Variants in SND1 observed in about 807,000 individuals in gnomAD.
The protein encoded by SND1 is staphylococcal nuclease and tudor domain containing 1.
A neutral mutation model predicts 121.7 loss-of-function variants in SND1; 38 were observed. That is an observed-to-expected ratio of 0.31 (90% CI 0.24 to 0.41). The LOEUF (loss-of-function observed/expected upper bound fraction) is 0.41, where lower values mean the gene tolerates loss of function less well. Among genes scored for constraint, SND1 ranks in the 10% least tolerant of loss-of-function variants. The pLI, the probability that SND1 is intolerant of heterozygous loss-of-function variation, is 1.00. For synonymous variants in SND1, 401 were observed against 447.4 expected (o/e 0.90, Z 1.31); for missense variants, 868 against 1,184.6 (o/e 0.73, Z 3.92).
chr7:128,083,765 T>G (rs1793644453), intron 18 of SND1, among the ~76,000 whole-genome samples: 1 of 152,118 alleles, frequency 6.6e-6, no homozygotes, highest in South Asian at 2.1e-4. Context: ...AGACCACAGA[T>G]CCACAGTCAC....
chr7:128,075,218 G>A (rs1037752900), intron 17 of SND1, among the ~76,000 whole-genome samples: 9 of 152,232 alleles, frequency 5.9e-5, no homozygotes, highest in Non-Finnish European at 5.9e-5. Flanking sequence ...GTGGAAAGTG[G>A]CTTTTGGAAA....
intron 16 of SND1, among the ~76,000 whole-genome samples, chr7:128,069,443 C>T (rs1793370927): frequency 6.6e-6 from 1 of 152,112 alleles, no homozygotes; most frequent in Admixed American, 6.5e-5. Context: ...GTGAATTACC[C>T]AAAAATTCAC....
At chr7:128,005,710 A>G (rs1216474863) in intron 16 of SND1, among the ~76,000 whole-genome samples, 1 of 152,202 alleles carries the variant, frequency 6.6e-6, no homozygotes, top group African/African-American at 2.4e-5. Flanking sequence ...CCTGTAATCA[A>G]AGCTGGGTGA....
chr7:127,704,912 C>T lies in SND1; in HGVS notation c.914C>T (p.Thr305Ile). Residue 305 changes from threonine (T) to isoleucine (I), a missense_variant, in exon 8 of 24, where the codon ACC (threonine) becomes ATC (isoleucine). This residue lies in a region of SND1 where 743 missense variants were observed against 1,071.3 expected (regional missense o/e 0.69). Coordinates refer to ENST00000354725, the MANE Select transcript of SND1 (RefSeq NM_014390.4). Reference sequence around the variant, plus strand: ...GTGGACTGGTCGATTGCAGTTTACACCCGGGGCGCAGAAAAGCTGAGGGCG... The same window carrying T: ...GTGGACTGGTCGATTGCAGTTTACATCCGGGGCGCAGAAAAGCTGAGGGCG... ...RCVDWSIAVY[T>I]RGAEKLRAAE... The T allele has an allele frequency of 1.2e-6, 2 of 1,614,062 alleles. No individual in the cohort carries two copies. Among genetic ancestry groups the T allele is most frequent in the South Asian group, 1.1e-5 (1 of 91,084 alleles).
chr7:127,867,168 G>C (rs556548839), intron 12 of SND1, among the ~76,000 whole-genome samples: 5 of 152,054 alleles, frequency 3.3e-5, no homozygotes, highest in Admixed American at 1.3e-4. Flanking sequence ...TTCCCTTCTA[G>C]CTTTGAACCT....
intron 14 of SND1, among the ~76,000 whole-genome samples, chr7:127,924,111 A>G (rs1413130720): frequency 3.1e-4 from 47 of 151,936 alleles, no homozygotes; most frequent in Non-Finnish European, 7.4e-5. Flanking sequence ...CCCTGGTGGG[A>G]CCAAGCAGTA....
At position 127,704,916 on chromosome 7, in the gene SND1, G is replaced by C; in HGVS notation, c.918G>C (p.Arg306=). The stretch of plus-strand genomic sequence containing the variant: ...ACTGGTCGATTGCAGTTTACACCCG[G>C]GGCGCAGAAAAGCTGAGGGCGGCAG... ...CVDWSIAVYT[R]GAEKLRAAER... The change falls in exon 8 of 24, where the codon CGG becomes CGC. Residue 306 remains arginine, a synonymous_variant. Coordinates refer to ENST00000354725, the MANE Select transcript of SND1 (RefSeq NM_014390.4). The C allele has an allele frequency of 6.2e-7, 1 of 1,614,064 alleles. No individual in the cohort carries two copies. The highest frequency in any genetic ancestry group is 8.5e-7 in the Non-Finnish European group (1 of 1,179,968).
Position 127,652,406 on chromosome 7 carries a change from C to T in SND1, c.33C>T (p.Ser11=). The T allele has an allele frequency of 6.3e-7, 1 of 1,596,822 alleles. No homozygotes were observed. The highest frequency in any genetic ancestry group is 8.5e-7 in the Non-Finnish European group (1 of 1,172,448). ...CCTCCGCGCAGAGCGGCGGCTCCTC[C>T]GGGGGACCCGCGGTCCCCACCGTGC... is the stretch of plus-strand genomic sequence containing the variant. MASSAQSGGS[S]GGPAVPTVQR... is the part of the protein sequence containing the mutation. Residue 11 remains serine (S), a synonymous_variant, in exon 1 of 24, where the codon TCC becomes TCT. Transcript: ENST00000354725.
intron 14 of SND1, among the ~76,000 whole-genome samples, chr7:127,920,873 AAG>A (rs1800690011): frequency 6.6e-6 from 1 of 151,948 alleles, no homozygotes; most frequent in African/African-American, 2.4e-5. Flanking sequence ...AAAAAAAAAA[AAG>A]CATTCTCTAG....
chr7:127,811,574 A>G (rs1798335501), intron 11 of SND1, among the ~76,000 whole-genome samples: 1 of 152,048 alleles, frequency 6.6e-6, no homozygotes, highest in African/African-American at 2.4e-5. Context: ...TACCTTGCTT[A>G]TATCTCGTCT....
chr7:127,695,668 A>G (rs561792369), intron 3 of SND1, among the ~76,000 whole-genome samples: 27 of 152,198 alleles, frequency 1.8e-4, no homozygotes, highest in Non-Finnish European at 2.9e-4. Flanking sequence ...CCCCGTTTCT[A>G]TGGAAAAATT....
intron 16 of SND1, among the ~76,000 whole-genome samples, chr7:128,047,768 A>C (rs544003943): frequency 2.0e-4 from 30 of 152,212 alleles, no homozygotes; most frequent in Non-Finnish European, 3.7e-4. Context: ...GGCAGGTTTA[A>C]GATAGACTCC....
At chr7:128,033,055 G>T (rs1431978380) in intron 16 of SND1, among the ~76,000 whole-genome samples, 1 of 152,178 alleles carries the variant, frequency 6.6e-6, no homozygotes, top group Non-Finnish European at 1.5e-5. Context: ...GCTCCCCGCT[G>T]CCCCCAGAGA....
chr7:128,072,567 G>C (rs1793431041), intron 16 of SND1, among the ~76,000 whole-genome samples: 1 of 152,182 alleles, frequency 6.6e-6, no homozygotes, highest in Non-Finnish European at 1.5e-5. Context: ...TGCTTCTTGA[G>C]CTTAGCATGT....
chr7:127,810,605 T>C (rs915060856), intron 11 of SND1, among the ~76,000 whole-genome samples: 4 of 152,252 alleles, frequency 2.6e-5, no homozygotes, highest in Admixed American at 2.6e-4. Flanking sequence ...CTGGTGTCCT[T>C]AGGCTGTGGT....
At chr7:127,862,581 G>T (rs538483578) in intron 12 of SND1, among the ~76,000 whole-genome samples, 38 of 152,330 alleles carry the variant, frequency 2.5e-4, no homozygotes, top group African/African-American at 8.7e-4. Flanking sequence ...CTACAGAAGT[G>T]ATTTAATGCT....
chr7:127,898,167 A>G (rs1800156253), intron 13 of SND1, among the ~76,000 whole-genome samples: 1 of 152,104 alleles, frequency 6.6e-6, no homozygotes, highest in Admixed American at 6.6e-5. Flanking sequence ...TGTCATACCC[A>G]GCACAATAGC....
At chr7:127,953,151 CGTGTGT>C (rs59825900) in intron 15 of SND1, among the ~76,000 whole-genome samples, 2,979 of 91,930 alleles carry the variant, frequency 0.032, 60 homozygotes, top group East Asian at 0.06. Flanking sequence ...GTGACAAGAC[CGTGTGT>C]GTGTGTGTGT....
intron 15 of SND1, among the ~76,000 whole-genome samples, chr7:127,933,701 A>G (rs1263367359): frequency 6.6e-6 from 1 of 152,062 alleles, no homozygotes; most frequent in African/African-American, 2.4e-5. Context: ...GCAAAGAGTT[A>G]GTGTTTTTAT....
Sources: allele counts gnomAD v4.1 joint callset (sites outside exome capture counted in the v4.1 genomes callset), GRCh38; gene constraint gnomAD v4.1.1; regional missense constraint gnomAD v4.1.1; transcripts MANE v1.5; gene names NCBI Gene and HGNC (gene_info 2026-07-23, HGNC 2026-07-21).